The following ZFAT variants were observed in gnomAD, a reference collection of about 807,000 sequenced individuals.
ZFAT encodes zinc finger protein ZFAT.
In ZFAT, 64 loss-of-function variants were observed where a neutral mutation model predicts 117.7. The observed-to-expected ratio is 0.54, with a 90% CI of 0.44 to 0.67. ZFAT has a LOEUF of 0.67. Among genes scored for constraint, ZFAT ranks in the 30% least tolerant of loss-of-function variants. The probability of loss-of-function intolerance (pLI) is 0.00; values close to 1 mark genes in which losing one functional copy is unlikely to be tolerated. For synonymous variants in ZFAT, 679 were observed against 615.0 expected, an observed-to-expected ratio of 1.10 and a Z score of -1.54; for missense variants, 1,433 against 1,584.5, an observed-to-expected ratio of 0.90 and a Z score of 1.62.
chr8:134,478,907 A>G lies in ZFAT; in HGVS notation c.3493-186T>C, dbSNP rs1219227553. On this transcript the variant is annotated intron_variant, in intron 15 of 15. Transcript: ENST00000377838. This position sits in a 1 kb window ranked among gnomAD's most constrained non-coding sequence, Gnocchi z 5.2. Reference sequence around the variant, plus strand: ...TTTACAGCTGAACAGAATGAGGTTCAGCAATGTAGGGCAACGTGGTCAGGG... The same window carrying G: ...TTTACAGCTGAACAGAATGAGGTTCGGCAATGTAGGGCAACGTGGTCAGGG... Among the ~76,000 whole-genome samples, 2 of 152,216 alleles carry G rather than the reference A, an allele frequency of 1.3e-5. No individual in the cohort carries two copies. The highest frequency in any genetic ancestry group is 3.8e-4 in the East Asian group (2 of 5,202).
At chr8:134,807,009 A>C in the ZFAT span, among the ~76,000 whole-genome samples, 2 of 152,228 alleles carry the variant, frequency 1.3e-5, no homozygotes, top group African/African-American at 4.8e-5. Context: ...ATTTTCTATC[A>C]GCATTAGCAT....
chr8:134,727,866 C>A, the ZFAT span, among the ~76,000 whole-genome samples: 1 of 152,122 alleles, frequency 6.6e-6, no homozygotes, highest in Non-Finnish European at 1.5e-5. Flanking sequence ...GTGAGATTTG[C>A]CCCCTAGGTT....
At chr8:134,493,235 C>A (rs1347665684) in intron 15 of ZFAT, among the ~76,000 whole-genome samples, 1 of 152,206 alleles carries the variant, frequency 6.6e-6, no homozygotes, top group Non-Finnish European at 1.5e-5. Flanking sequence ...CAGCTGCAAC[C>A]CTGTTTCCTA....
intron 1 of ZFAT, among the ~76,000 whole-genome samples, chr8:134,672,844 T>C (rs1832624493): frequency 6.6e-6 from 1 of 152,208 alleles, no homozygotes; most frequent in Non-Finnish European, 1.5e-5. Context: ...TGGCATAATT[T>C]GTCACCAGTA....
the ZFAT span, among the ~76,000 whole-genome samples, chr8:134,750,782 G>A: frequency 1.3e-5 from 2 of 152,108 alleles, no homozygotes; most frequent in Non-Finnish European, 2.9e-5. Flanking sequence ...AAACAAAAAT[G>A]TATATATACA....
the ZFAT span, among the ~76,000 whole-genome samples, chr8:134,788,260 A>G: frequency 6.6e-6 from 1 of 152,184 alleles, no homozygotes; most frequent in Non-Finnish European, 1.5e-5. Flanking sequence ...TAATGTATGC[A>G]TGTAAATCTA....
At chr8:134,672,891 A>T (rs1227342392) in intron 1 of ZFAT, among the ~76,000 whole-genome samples, 2 of 152,232 alleles carry the variant, frequency 1.3e-5, no homozygotes, top group African/African-American at 4.8e-5. Flanking sequence ...GAAGTTCCCT[A>T]AACAGGAAGA....
chr8:134,796,151 T>A, the ZFAT span: 3 of 152,226 alleles, frequency 2.0e-5, no homozygotes, highest in Admixed American at 6.5e-5. Context: ...CTTCATAATA[T>A]CCTTTATAAT....
At chr8:134,489,898 G>C (rs936326425) in intron 15 of ZFAT, among the ~76,000 whole-genome samples, 1 of 152,052 alleles carries the variant, frequency 6.6e-6, no homozygotes, top group African/African-American at 2.4e-5. Flanking sequence ...TCCTCTTCTC[G>C]GTAGAAGGCA....
intron 1 of ZFAT, among the ~76,000 whole-genome samples, chr8:134,675,606 A>G (rs771238454): frequency 6.6e-6 from 1 of 152,140 alleles, no homozygotes; most frequent in Non-Finnish European, 1.5e-5. Context: ...TGCAGAGAAC[A>G]CCCTAAGAAT....
chr8:134,603,160 T>C (rs1241937530), intron 5 of ZFAT, among the ~76,000 whole-genome samples: 1 of 152,062 alleles, frequency 6.6e-6, no homozygotes, highest in African/African-American at 2.4e-5. Context: ...TGGCAAATAT[T>C]TGCATGACAG....
chr8:134,580,685 T>C (rs1563873979), intron 10 of ZFAT, among the ~76,000 whole-genome samples: 1 of 152,204 alleles, frequency 6.6e-6, no homozygotes, highest in Non-Finnish European at 1.5e-5. Flanking sequence ...ATCTCAGAAT[T>C]AGACCCAATA....
rs143112040 is a variant in ZFAT, at chr8:134,688,379, G to A, written c.19+24466C>T. 3.1e-4 allele frequency among the ~76,000 whole-genome samples: 47 copies of A among 152,202 alleles called. 1 individual carries two copies. The highest frequency in any genetic ancestry group is 9.9e-4 in the African/African-American group (41 of 41,528). On this transcript the variant is annotated intron_variant, in intron 1 of 15. Transcript: ENST00000377838. The stretch of plus-strand genomic sequence containing the variant: ...ACAAATGCACATACAGCACACATGC[G>A]CACACAAACATACACTTTCTTCAGG...
the ZFAT span, among the ~76,000 whole-genome samples, chr8:134,736,700 A>T: frequency 6.6e-6 from 1 of 151,930 alleles, no homozygotes; most frequent in Non-Finnish European, 1.5e-5. Flanking sequence ...GGCTCAAGTG[A>T]TCCTCCCACC....
intron 1 of ZFAT, among the ~76,000 whole-genome samples, chr8:134,711,542 AG>A (rs1444755213): frequency 6.6e-6 from 1 of 152,178 alleles, no homozygotes; most frequent in Non-Finnish European, 1.5e-5. Context: ...GGTTTACCTG[AG>A]GGCGGGAGGC....
At chr8:134,740,724 G>A in the ZFAT span, among the ~76,000 whole-genome samples, 1 of 152,116 alleles carries the variant, frequency 6.6e-6, no homozygotes, top group African/African-American at 2.4e-5. Context: ...AGGACCTCTG[G>A]CCTCCAGCTT....
chr8:134,790,531 A>G, the ZFAT span, among the ~76,000 whole-genome samples: 1 of 152,158 alleles, frequency 6.6e-6, no homozygotes, highest in Non-Finnish European at 1.5e-5. Flanking sequence ...CCCACGCCTC[A>G]AAAACTTCAG....
At chr8:134,817,321 T>A in the ZFAT span, among the ~76,000 whole-genome samples, 4 of 151,414 alleles carry the variant, frequency 2.6e-5, no homozygotes, top group African/African-American at 9.7e-5. Context: ...GCCAATTCTA[T>A]GAATTTTGGA....
the ZFAT span, among the ~76,000 whole-genome samples, chr8:134,779,065 A>C: frequency 1.3e-5 from 2 of 152,190 alleles, no homozygotes; most frequent in African/African-American, 4.8e-5. Context: ...GTTCCACTAT[A>C]AGAAATATTT....
Sources: allele counts gnomAD v4.1 joint callset (sites outside exome capture counted in the v4.1 genomes callset), GRCh38; gene constraint gnomAD v4.1.1; non-coding constraint Gnocchi (gnomAD v3.1); transcripts MANE v1.5; gene names NCBI Gene and HGNC (gene_info 2026-07-23, HGNC 2026-07-21).